SHISA9: variants seen among roughly 807,000 people sequenced by gnomAD.
SHISA9 encodes protein shisa-9.
In SHISA9, 13 loss-of-function variants were observed where a neutral mutation model predicts 38.0. That is an observed-to-expected ratio of 0.34 (90% CI 0.22 to 0.54). The LOEUF (loss-of-function observed/expected upper bound fraction) is 0.54, where lower values mean the gene tolerates loss of function less well. Among genes scored for constraint, SHISA9 ranks in the 20% least tolerant of loss-of-function variants. The pLI is 0.91. For synonymous variants in SHISA9, 275 were observed against 242.0 expected, an observed-to-expected ratio of 1.14 and a Z score of -1.27; for missense variants, 538 against 575.8, an observed-to-expected ratio of 0.93 and a Z score of 0.67.
the SHISA9 span, among the ~76,000 whole-genome samples, chr16:13,560,285 T>G: frequency 6.6e-6 from 1 of 152,178 alleles, no homozygotes; most frequent in Admixed American, 6.5e-5. Context: ...TCACCTGAGA[T>G]TCACTGTAAT....
chr16:13,193,384 C>G (rs527326857), intron 2 of SHISA9, among the ~76,000 whole-genome samples: 1 of 152,228 alleles, frequency 6.6e-6, no homozygotes, highest in South Asian at 2.1e-4. Context: ...TGGAGTCTTG[C>G]TCTGTTGCTC....
chr16:12,971,512 G>A (rs774744834), intron 2 of SHISA9, among the ~76,000 whole-genome samples: 1 of 152,190 alleles, frequency 6.6e-6, no homozygotes, highest in Non-Finnish European at 1.5e-5. Context: ...ATGGGGTGGG[G>A]AACTGTGACC....
intron 2 of SHISA9, among the ~76,000 whole-genome samples, chr16:12,964,384 G>GTTTT (rs34026936): frequency 7.0e-6 from 1 of 142,886 alleles, no homozygotes. Context: ...TGGACTTTCT[G>GTTTT]TTTTTTTTTT....
At position 13,070,377 on chromosome 16, in the gene SHISA9, C is replaced by A. The variant is rs529841442; in HGVS notation, c.692-133017C>A. Among the ~76,000 whole-genome samples the A allele has an allele frequency of 2.6e-5, 4 of 152,296 alleles. No individual in the cohort carries two copies. In the South Asian group the frequency reaches 6.2e-4, roughly 24 times the overall value. ...CAGGAGTACTGGTTGCCTAGGAAAC[C>A]ACCGCAGGGCGAGCACATGCGATTG... On this transcript the variant is annotated intron_variant, in intron 2 of 4. Transcript: ENST00000558583.
At chr16:12,981,018 TG>T (rs2072233202) in intron 2 of SHISA9, among the ~76,000 whole-genome samples, 1 of 152,260 alleles carries the variant, frequency 6.6e-6, no homozygotes, top group Non-Finnish European at 1.5e-5. Context: ...CTAATGTTTT[TG>T]CTTCTGTTGG....
intron 2 of SHISA9, among the ~76,000 whole-genome samples, chr16:13,139,519 T>A (rs1415711970): frequency 6.6e-6 from 1 of 151,318 alleles, no homozygotes; most frequent in Non-Finnish European, 1.5e-5. Flanking sequence ...TCCTTTACTT[T>A]ATCGGTAAAG....
At chr16:13,322,061 C>T in the SHISA9 span, among the ~76,000 whole-genome samples, 10 of 152,284 alleles carry the variant, frequency 6.6e-5, no homozygotes, top group African/African-American at 2.4e-4. Context: ...TTACTAATTA[C>T]ATTAAATGCA....
At chr16:13,030,991 A>C (rs1220578464) in intron 2 of SHISA9, among the ~76,000 whole-genome samples, 6 of 152,176 alleles carry the variant, frequency 3.9e-5, no homozygotes, top group Admixed American at 3.9e-4. Context: ...TGTGTATCCA[A>C]GTGACTGCAG....
chr16:13,245,469 T>A, the SHISA9 span, among the ~76,000 whole-genome samples: 1 of 152,204 alleles, frequency 6.6e-6, no homozygotes, highest in Non-Finnish European at 1.5e-5. Flanking sequence ...TTGGCTGTTA[T>A]GAGAGATAAA....
the SHISA9 span, among the ~76,000 whole-genome samples, chr16:13,499,602 A>G: frequency 3.2e-4 from 49 of 152,082 alleles, no homozygotes; most frequent in African/African-American, 1.1e-3. Context: ...TAAATTCTCT[A>G]TAATATATTT....
chr16:13,148,395 C>A (rs572611339), intron 2 of SHISA9, among the ~76,000 whole-genome samples: 6 of 152,092 alleles, frequency 3.9e-5, no homozygotes, highest in African/African-American at 1.4e-4. Context: ...CCATGACACA[C>A]CCACACAATC....
intron 4 of SHISA9, among the ~76,000 whole-genome samples, chr16:13,232,540 C>G (rs2051341757): frequency 1.3e-5 from 2 of 152,136 alleles, no homozygotes; most frequent in Non-Finnish European, 2.9e-5. Context: ...TGACCATGGC[C>G]CATGACACAG....
At chr16:12,953,450 G>C (rs1349295654) in intron 2 of SHISA9, among the ~76,000 whole-genome samples, 1 of 152,158 alleles carries the variant, frequency 6.6e-6, no homozygotes, top group African/African-American at 2.4e-5. Context: ...TGCTAGGATG[G>C]ACTTTGAAGC....
At chr16:13,369,918 C>G in the SHISA9 span, among the ~76,000 whole-genome samples, 1 of 151,992 alleles carries the variant, frequency 6.6e-6, no homozygotes, top group Admixed American at 6.6e-5. Context: ...GGGTTGGAGA[C>G]CTGGCCTAGG....
At chr16:13,073,969 G>T (rs74749392) in intron 2 of SHISA9, among the ~76,000 whole-genome samples, 52,483 of 127,640 alleles carry the variant, frequency 0.41, 10,896 homozygotes, top group South Asian at 0.59. Context: ...TTTTTTTTTT[G>T]TTTTTTTTTT....
chr16:13,521,568 G>A, the SHISA9 span, among the ~76,000 whole-genome samples: 1 of 152,210 alleles, frequency 6.6e-6, no homozygotes, highest in Admixed American at 6.5e-5. Flanking sequence ...AAATGCAGAT[G>A]CCTTGAAGAA....
At chr16:12,964,810 A>C (rs916789658) in intron 2 of SHISA9, among the ~76,000 whole-genome samples, 3 of 152,212 alleles carry the variant, frequency 2.0e-5, no homozygotes, top group African/African-American at 7.2e-5. Context: ...CACAGTAAGC[A>C]TGAGGGAAAC....
chr16:13,201,955 G>A (rs1290784833), intron 2 of SHISA9, among the ~76,000 whole-genome samples: 1 of 110,614 alleles, frequency 9.0e-6, no homozygotes, highest in East Asian at 2.2e-4. Flanking sequence ...AACCACCGCA[G>A]TGCATACCTG....
chr16:13,426,225 G>A, the SHISA9 span, among the ~76,000 whole-genome samples: 23 of 152,158 alleles, frequency 1.5e-4, no homozygotes, highest in African/African-American at 5.1e-4. Flanking sequence ...TCCTTGCGAA[G>A]TGTTTTATAT....
Sources: allele counts gnomAD v4.1 joint callset (sites outside exome capture counted in the v4.1 genomes callset), GRCh38; gene constraint gnomAD v4.1.1; transcripts MANE v1.5; gene names NCBI Gene and HGNC (gene_info 2026-07-23, HGNC 2026-07-21).